The following RBFOX1 variants were observed in gnomAD, a reference collection of about 807,000 sequenced individuals.
RBFOX1 encodes RNA binding protein fox-1 homolog 1.
RBFOX1 carries 8 observed loss-of-function variants against 57.7 expected under a neutral mutation model. That is an observed-to-expected ratio of 0.14 (90% CI 0.08 to 0.25). The LOEUF (loss-of-function observed/expected upper bound fraction) is 0.25. Among genes scored for constraint, RBFOX1 ranks in the 10% least tolerant of loss-of-function variants. RBFOX1 has a pLI of 1.00. For missense variants in RBFOX1, 611 were observed against 548.5 expected, an observed-to-expected ratio of 1.11 and a Z score of -1.14; for synonymous variants, 326 against 222.4, an observed-to-expected ratio of 1.47 and a Z score of -4.15.
chr16:7,457,711 C>G (rs1457945866), intron 4 of RBFOX1, among the ~76,000 whole-genome samples: 7 of 152,068 alleles, frequency 4.6e-5, no homozygotes, highest in Admixed American at 4.6e-4. Context: ...TAAGAGGGCC[C>G]TCCCCATTCC....
chr16:6,866,792 T>C (rs1269034761), intron 3 of RBFOX1, among the ~76,000 whole-genome samples: 4 of 151,998 alleles, frequency 2.6e-5, no homozygotes, highest in African/African-American at 9.7e-5. Flanking sequence ...TCTGCCTGCC[T>C]TGGCCTCCCA....
In RBFOX1 at chr16:6,996,895, G is replaced by C. The variant is rs139598155; in HGVS notation, c.-15-55162G>C. 8.9e-3 allele frequency among the ~76,000 whole-genome samples: 1,360 copies of C among 152,238 alleles called. 19 individuals are homozygous for C. Among genetic ancestry groups the C allele is most frequent in the African/African-American group, 0.031 (1,304 of 41,538 alleles). ...CACATCTGTAGTCACAGAGTTAGAA[G>C]CTGATGGAACTGAACTTTGCATCCA... On this transcript the variant is annotated intron_variant, in intron 3 of 15. Coordinates refer to ENST00000550418, the MANE Select transcript of RBFOX1 (RefSeq NM_018723.4).
intron 4 of RBFOX1, among the ~76,000 whole-genome samples, chr16:6,010,659 C>T (rs555977058): frequency 6.6e-6 from 1 of 152,210 alleles, no homozygotes; most frequent in South Asian, 2.1e-4. Context: ...GTAGAAGAAC[C>T]CTATCAGAGA....
intron 5 of RBFOX1, among the ~76,000 whole-genome samples, chr16:7,546,689 A>G (rs111944214): frequency 3.3e-5 from 5 of 152,318 alleles, no homozygotes; most frequent in East Asian, 1.9e-4. Context: ...TCATTATTCA[A>G]TGACTATTCA....
chr16:5,459,426 C>T (rs1343655207), intron 1 of RBFOX1, among the ~76,000 whole-genome samples: 2 of 152,138 alleles, frequency 1.3e-5, no homozygotes, highest in Non-Finnish European at 2.9e-5. Flanking sequence ...GCTAAACCAC[C>T]TGGAAAGGCT....
chr16:6,314,458 G>C (rs189430082), intron 1 of RBFOX1, among the ~76,000 whole-genome samples: 1 of 152,190 alleles, frequency 6.6e-6, no homozygotes, highest in Non-Finnish European at 1.5e-5. Flanking sequence ...AAGTTACAGA[G>C]AGCACGCTTG....
intron 3 of RBFOX1, among the ~76,000 whole-genome samples, chr16:6,724,928 C>T (rs1238897430): frequency 6.6e-6 from 1 of 151,812 alleles, no homozygotes; most frequent in Admixed American, 6.6e-5. Flanking sequence ...CATTTGTAAA[C>T]TGTCATGGCA....
chr16:7,471,069 A>G (rs942951865), intron 4 of RBFOX1, among the ~76,000 whole-genome samples: 3 of 152,334 alleles, frequency 2.0e-5, no homozygotes, highest in South Asian at 2.1e-4. Flanking sequence ...AAGGAATAAA[A>G]TGAAAATGTT....
intron 4 of RBFOX1, among the ~76,000 whole-genome samples, chr16:7,264,328 C>T (rs1055359148): frequency 3.9e-5 from 6 of 152,180 alleles, no homozygotes; most frequent in African/African-American, 1.4e-4. Context: ...GAGCAGAATT[C>T]ATAGTTGTTG....
At chr16:7,348,584 T>A (rs1284584827) in intron 4 of RBFOX1, among the ~76,000 whole-genome samples, 2 of 152,076 alleles carry the variant, frequency 1.3e-5, no homozygotes, top group Non-Finnish European at 2.9e-5. Context: ...ATTACTTTAG[T>A]CAGTTGGGAA....
chr16:6,112,126 A>G (rs893243090), intron 1 of RBFOX1, among the ~76,000 whole-genome samples: 1 of 152,208 alleles, frequency 6.6e-6, no homozygotes, highest in Non-Finnish European at 1.5e-5. Context: ...ATTCCAGACC[A>G]ATTAGCTAGC....
intron 2 of RBFOX1, among the ~76,000 whole-genome samples, chr16:6,499,361 A>G (rs1419339400): frequency 1.3e-5 from 2 of 152,074 alleles, no homozygotes; most frequent in African/African-American, 4.8e-5. Context: ...TATAGACACC[A>G]CAAACAGCCA....
At chr16:6,013,663 C>T (rs2094975230) in intron 4 of RBFOX1, among the ~76,000 whole-genome samples, 1 of 152,186 alleles carries the variant, frequency 6.6e-6, no homozygotes, top group Admixed American at 6.5e-5. Flanking sequence ...TTCCTCCTTT[C>T]AAGCTTTGGT....
At chr16:5,940,160 C>A (rs1380679758) in intron 4 of RBFOX1, among the ~76,000 whole-genome samples, 1 of 152,100 alleles carries the variant, frequency 6.6e-6, no homozygotes, top group Non-Finnish European at 1.5e-5. Flanking sequence ...AAGGAGGAAG[C>A]CTTAAGAAGT....
intron 2 of RBFOX1, among the ~76,000 whole-genome samples, chr16:6,477,021 C>A (rs183816939): frequency 1.3e-5 from 2 of 152,286 alleles, no homozygotes; most frequent in East Asian, 3.9e-4. Flanking sequence ...GAGATTGCAG[C>A]AATGTAGTTG....
At chr16:6,276,377 C>T (rs537434676) in intron 1 of RBFOX1, among the ~76,000 whole-genome samples, 2 of 152,132 alleles carry the variant, frequency 1.3e-5, no homozygotes, top group Non-Finnish European at 2.9e-5. Context: ...TTCTGTTGCC[C>T]AAGCTGGAGT....
chr16:5,928,453 A>G (rs2058979947), intron 4 of RBFOX1, among the ~76,000 whole-genome samples: 2 of 152,138 alleles, frequency 1.3e-5, no homozygotes, highest in East Asian at 3.9e-4. Flanking sequence ...TATGCTAATT[A>G]GCTTGATTTA....
intron 2 of RBFOX1, among the ~76,000 whole-genome samples, chr16:6,475,655 A>T (rs1444155917): frequency 6.6e-6 from 1 of 152,224 alleles, no homozygotes; most frequent in African/African-American, 2.4e-5. Flanking sequence ...TAACTGGATT[A>T]TTAGGTGTCA....
chr16:5,742,347 T>TTCCTTCCTTCCTTCCTCTCCTTCCTC (rs2052806525), intron 3 of RBFOX1, among the ~76,000 whole-genome samples: 1 of 93,802 alleles, frequency 1.1e-5, no homozygotes, highest in African/African-American at 3.4e-5. Context: ...TCTCCTAACT[T>TTCCTTCCTTCCTTCCTCTCCTTCCTC]TCCTTCCTTC....
Sources: gnomAD v4.1 joint callset for allele counts (sites outside exome capture counted in the v4.1 genomes callset) on GRCh38, gnomAD v4.1.1 for gene constraint, MANE v1.5 for transcripts, NCBI Gene and HGNC (gene_info 2026-07-23, HGNC 2026-07-21) for gene names.